The following TSPEAR variants were observed in gnomAD, a reference collection of about 807,000 sequenced individuals.
TSPEAR encodes thrombospondin-type laminin G domain and EAR repeat-containing protein.
Under a neutral mutation model 71.6 loss-of-function variants are expected in TSPEAR, and 69 were observed. The ratio of observed to expected loss-of-function variants is 0.96; its 90% CI spans 0.79 to 1.18. The LOEUF (loss-of-function observed/expected upper bound fraction) is 1.18, where lower values mean the gene tolerates loss of function less well. TSPEAR is among the 50% of genes most tolerant of loss of function. The probability of loss-of-function intolerance (pLI) is 0.00; values close to 1 mark genes in which losing one functional copy is unlikely to be tolerated. For missense variants in TSPEAR, 971 were observed against 894.9 expected (o/e 1.09, Z -1.09); for synonymous variants, 402 against 387.2 (o/e 1.04, Z -0.45).
intron 9 of TSPEAR, chr21:44,518,469 C>T (rs782787837): frequency 2.9e-5 from 11 of 379,246 alleles, no homozygotes; most frequent in Middle Eastern, 7.6e-4. Flanking sequence ...ATCTCCAAAA[C>T]GCACTCCCCA....
At chr21:44,521,843 GC>G in intron 9 of TSPEAR, 39 bp downstream of exon 9, 8 of 1,576,188 alleles carry the variant, frequency 5.1e-6, no homozygotes, top group Non-Finnish European at 7.0e-6. Flanking sequence ...AGACGCAGTG[GC>G]CAGCAATGGA....
At chr21:44,614,579 G>T in intron 1 of TSPEAR, among the ~76,000 whole-genome samples, 1 of 152,332 alleles carries the variant, frequency 6.6e-6, no homozygotes, top group South Asian at 2.1e-4. Context: ...GCTCCGGAAC[G>T]TTCCTACTGG....
At chr21:44,650,420 C>CGGCGGCAGAGACTGGGACCACGTGACGAT (rs1601530390) in intron 1 of TSPEAR, among the ~76,000 whole-genome samples, 2 of 149,544 alleles carry the variant, frequency 1.3e-5, no homozygotes, top group East Asian at 4.0e-4. Flanking sequence ...CATGTGACGA[C>CGGCGGCAGAGACTGGGACCACGTGACGAT]GGCGGCAGAG....
chr21:44,691,059 CTCCCT>C (rs1342778648), intron 1 of TSPEAR, among the ~76,000 whole-genome samples: 7 of 152,002 alleles, frequency 4.6e-5, no homozygotes, highest in African/African-American at 1.7e-4. Context: ...TCCTCCTCCC[CTCCCT>C]TCCCTTCATC....
chr21:44,660,076 A>G (rs1985406390), intron 1 of TSPEAR, among the ~76,000 whole-genome samples: 1 of 152,224 alleles, frequency 6.6e-6, no homozygotes, highest in Admixed American at 6.5e-5. Flanking sequence ...TAAATTGACC[A>G]AATTAAAACA....
intron 1 of TSPEAR, chr21:44,580,488 AG>A (rs782662409): frequency 5.6e-6 from 9 of 1,613,248 alleles, no homozygotes; most frequent in Non-Finnish European, 6.8e-6. Flanking sequence ...GCGGTGCCGC[AG>A]GGGGGCTCAC....
At chr21:44,531,221 A>C (rs144700230) in intron 3 of TSPEAR, 88 bp from the exon 4 acceptor site, 2 of 1,028,688 alleles carry the variant, frequency 1.9e-6, no homozygotes, top group Non-Finnish European at 2.9e-6. Context: ...GCCCCTCACT[A>C]AGCAGCGTGC....
At chr21:44,573,304 C>CGGCACACACACA (rs1978290870) in intron 1 of TSPEAR, among the ~76,000 whole-genome samples, 1 of 151,970 alleles carries the variant, frequency 6.6e-6, no homozygotes, top group African/African-American at 2.4e-5. Flanking sequence ...TCCCCATAGC[C>CGGCACACACACA]TGGCACACAC....
intron 1 of TSPEAR, chr21:44,580,195 C>G (rs782386606): frequency 2.5e-6 from 4 of 1,614,002 alleles, no homozygotes; most frequent in Non-Finnish European, 8.5e-7. Context: ...CACAGCAGGA[C>G]TGCTGGCAGG....
chr21:44,551,537 T>C, intron 2 of TSPEAR: 1 of 828,770 alleles, frequency 1.2e-6, no homozygotes, highest in Non-Finnish European at 1.6e-6. Context: ...TGAGTGTGTG[T>C]GTGAGCCTGT....
chr21:44,577,499 C>T (rs1569197301), intron 1 of TSPEAR, among the ~76,000 whole-genome samples: 1 of 152,022 alleles, frequency 6.6e-6, no homozygotes, highest in Non-Finnish European at 1.5e-5. Context: ...GCAAGAGAGA[C>T]AGAGAGGAGG....
chr21:44,637,828 C>G, intron 1 of TSPEAR: 2 of 1,384,306 alleles, frequency 1.4e-6, no homozygotes, highest in Non-Finnish European at 2.0e-6. Flanking sequence ...CAACTTGCTG[C>G]ACCTCCTCCC....
At chr21:44,570,936 T>C (rs233276) in intron 1 of TSPEAR, among the ~76,000 whole-genome samples, 32,861 of 152,054 alleles carry the variant, frequency 0.22, 3,774 homozygotes, top group Non-Finnish European at 0.25. Context: ...TACCAGAACT[T>C]ATTAAAGAAG....
chr21:44,592,776 G>T (rs112937464), intron 1 of TSPEAR, among the ~76,000 whole-genome samples: 1 of 152,126 alleles, frequency 6.6e-6, no homozygotes, highest in Non-Finnish European at 1.5e-5. Flanking sequence ...CACAGGTCGC[G>T]GCATCGTCCA....
In TSPEAR at chr21:44,527,448, CT is replaced by C; in HGVS notation, c.992del (p.Glu331GlyfsTer81). On this transcript the variant is annotated frameshift_variant, in exon 7 of 12. Transcript: ENST00000323084. LOFTEE classifies it high-confidence loss of function. ...GCCCCACCTGAGGGATGCGGAACAC[CT>C]CAATGCCCAGGGTCTCTGAGTTGGT... Reference protein sequence around the residue: ...LSTNSETLGIEVFRIPQVGLF... With the variant: ...LSTNSETLGIXVFRIPQVGLF... 6.2e-7 allele frequency: 1 copy of C among 1,614,238 alleles called. No individual in the cohort carries two copies. Among genetic ancestry groups the C allele is most frequent in the East Asian group, 2.2e-5 (1 of 44,888 alleles).
rs76178708 is a variant in TSPEAR at position 44,605,729 on chromosome 21, T to G, written c.83-37724A>C. The stretch of plus-strand genomic sequence containing the variant: ...GGACAGACTCTTCAATAATCAGTGT[T>G]GGGAAAACTCAATATCCATGTGCAG... On this transcript the variant is annotated intron_variant, in intron 1 of 11. Coordinates refer to ENST00000323084, the MANE Select transcript of TSPEAR (RefSeq NM_144991.3). Among the ~76,000 whole-genome samples the G allele has an allele frequency of 5.2e-4, 79 of 152,308 alleles. No homozygotes were observed. In the East Asian group the frequency reaches 0.015, roughly 29 times the overall value.
At chr21:44,553,314 A>G (rs1337963744) in intron 2 of TSPEAR, among the ~76,000 whole-genome samples, 8 of 152,254 alleles carry the variant, frequency 5.3e-5, no homozygotes, top group Non-Finnish European at 1.0e-4. Flanking sequence ...CATAGGATCT[A>G]CATTCTCAAC....
At position 44,684,767 on chromosome 21, in the gene TSPEAR, G is replaced by A. The variant is rs145507091; in HGVS notation, c.82+26666C>T. 4.1e-4 allele frequency among the ~76,000 whole-genome samples: 63 copies of A among 152,366 alleles called. No homozygotes were observed. The Middle Eastern group carries it at 0.014, about 33-fold the overall frequency. ...CAGGTGGGCCCTGACCTACAGGAAG[G>A]AGATGGGGGAAGGTAAAGGAGCAGG... On this transcript the variant is annotated intron_variant, in intron 1 of 11. Transcript: ENST00000323084.
chr21:44,670,121 C>T (rs1985985357), intron 1 of TSPEAR, among the ~76,000 whole-genome samples: 1 of 152,172 alleles, frequency 6.6e-6, no homozygotes. Flanking sequence ...AGAGATATGA[C>T]TCAACTCTAT....
Sources: allele counts gnomAD v4.1 joint callset (sites outside exome capture counted in the v4.1 genomes callset), GRCh38; gene constraint gnomAD v4.1.1; transcripts MANE v1.5; gene names NCBI Gene and HGNC (gene_info 2026-07-23, HGNC 2026-07-21).